Variants in CPD observed in about 807,000 individuals in gnomAD.
CPD encodes the protein metallocarboxypeptidase D.
A neutral mutation model predicts 138.3 loss-of-function variants in CPD; 69 were observed. That is an observed-to-expected ratio of 0.50 (90% CI 0.41 to 0.61). The LOEUF is 0.61. Among genes scored for constraint, CPD ranks in the 20% least tolerant of loss-of-function variants. The pLI is 0.00. For missense variants in CPD, 1,432 were observed against 1,733.3 expected (o/e 0.83, Z 3.09); for synonymous variants, 651 against 642.1 (o/e 1.01, Z -0.21).
At chr17:30,414,198 T>C (rs1321522561) in intron 2 of CPD, among the ~76,000 whole-genome samples, 1 of 152,218 alleles carries the variant, frequency 6.6e-6, no homozygotes, top group East Asian at 1.9e-4. Flanking sequence ...AACATCTGAC[T>C]TGCATTTTAA....
chr17:30,466,473 A>C lies in CPD; in HGVS notation c.*1659A>C, dbSNP rs1018834725. The C allele has an allele frequency of 1.2e-4, 19 of 152,632 alleles. No individual in the cohort carries two copies. Among genetic ancestry groups the C allele is most frequent in the Non-Finnish European group, 2.8e-4 (19 of 68,018 alleles). 9.5% of individuals were successfully genotyped at this position (152,632 alleles called of 1,614,324 possible). A position where few individuals can be genotyped will look rare whatever the true frequency, so the allele number is the denominator to read the frequency against. ...GTATCTGTGATAAATCCGTGGTTCA[A>C]GGTTAAGCCATTCTGGTATTCTGGT... On this transcript the variant is annotated 3_prime_UTR_variant, in exon 21 of 21. Coordinates refer to ENST00000225719, the MANE Select transcript of CPD (RefSeq NM_001304.5).
chr17:30,427,544 CA>C lies in CPD; in HGVS notation c.2006del (p.Asn669ThrfsTer35). On this transcript the variant is annotated frameshift_variant, in exon 7 of 21. Transcript: ENST00000225719. LOFTEE classifies it high-confidence loss of function. ...WMKSYPFVLSANLHGGSLVVN... is the reference protein window; with the variant it reads ...WMKSYPFVLSXNLHGGSLVVN... ...AAGTCCTATCCATTTGTACTTTCAG[CA>C]AACCTGCATGGAGGTATGGCAACTT... is the stretch of plus-strand genomic sequence containing the variant. 6.2e-7 allele frequency: 1 copy of C among 1,613,914 alleles called. No individual in the cohort carries two copies. Among genetic ancestry groups the C allele is most frequent in the Non-Finnish European group, 8.5e-7 (1 of 1,179,854 alleles).
chr17:30,429,326 C>T (rs1912503325), intron 7 of CPD, among the ~76,000 whole-genome samples: 1 of 152,170 alleles, frequency 6.6e-6, no homozygotes, highest in Non-Finnish European at 1.5e-5. Context: ...TAGTTACATT[C>T]CAGTGAAAAT....
intron 6 of CPD, among the ~76,000 whole-genome samples, chr17:30,425,764 T>C (rs575926463): frequency 6.6e-6 from 1 of 152,252 alleles, no homozygotes; most frequent in Admixed American, 6.5e-5. Context: ...AGTGCTTTAA[T>C]ATAATTTGTC....
chr17:30,462,111 A>G (rs2143513921), intron 19 of CPD, 49 bp downstream of exon 19: 1 of 1,476,996 alleles, frequency 6.8e-7, no homozygotes, highest in East Asian at 2.3e-5. Context: ...ATTCTTAATA[A>G]TACTTCTGTT....
chr17:30,422,360 G>A (rs1375696754), intron 4 of CPD, among the ~76,000 whole-genome samples: 1 of 152,170 alleles, frequency 6.6e-6, no homozygotes, highest in Non-Finnish European at 1.5e-5. Context: ...CCTTCTTTGA[G>A]TACTGTAGCA....
chr17:30,422,867 T>G lies in CPD; in HGVS notation c.1501T>G (p.Phe501Val). ...SSYQPIQPKD[F>V]HHHHFPDMEI... The stretch of plus-strand genomic sequence containing the variant: ...CTACCAGCCAATTCAGCCAAAGGAC[T>G]TTCACCACCACCATTTCCCTGATAT... Residue 501 changes from phenylalanine (F) to valine (V), a missense_variant, in exon 5 of 21, where the codon TTT (phenylalanine) becomes GTT (valine). By Grantham distance (50) the Phe-to-Val change is conservative. Coordinates refer to ENST00000225719, the MANE Select transcript of CPD (RefSeq NM_001304.5). The G allele has an allele frequency of 2.5e-6, 4 of 1,614,116 alleles. No individual in the cohort carries two copies. Among genetic ancestry groups the G allele is most frequent in the Non-Finnish European group, 3.4e-6 (4 of 1,179,962 alleles).
chr17:30,458,857 C>A (rs1191905907), intron 17 of CPD, among the ~76,000 whole-genome samples: 2 of 120,352 alleles, frequency 1.7e-5, no homozygotes, highest in Non-Finnish European at 3.4e-5. Context: ...CAGAGTGAGA[C>A]CCTGTCTCAA....
chr17:30,409,247 G>C lies in CPD; in HGVS notation c.995-11594G>C, dbSNP rs572840830. On this transcript the variant is annotated intron_variant, in intron 2 of 20. Transcript: ENST00000225719. ...GGATAAGCTTTTTGATGTGCTTCTG[G>C]ATTCGGTTTTCCATTATTTTATTAA... Among the ~76,000 whole-genome samples the C allele has an allele frequency of 2.6e-5, 4 of 152,274 alleles. No individual in the cohort carries two copies. In the East Asian group the frequency reaches 7.7e-4, roughly 29 times the overall value.
intron 8 of CPD, among the ~76,000 whole-genome samples, chr17:30,434,455 C>A (rs1438955737): frequency 6.6e-6 from 1 of 152,042 alleles, no homozygotes. Flanking sequence ...GAATGACCAC[C>A]ATACATCACA....
intron 1 of CPD, 29 bp from the exon 2 acceptor site, chr17:30,384,960 T>C: frequency 1.3e-6 from 2 of 1,595,802 alleles, no homozygotes; most frequent in Non-Finnish European, 1.7e-6. Flanking sequence ...CCTTTTTTAG[T>C]GATACGTGAT....
chr17:30,463,449 A>G (rs1289404910), intron 20 of CPD, among the ~76,000 whole-genome samples: 2 of 152,220 alleles, frequency 1.3e-5, no homozygotes, highest in Non-Finnish European at 2.9e-5. Flanking sequence ...GCTTTATATT[A>G]AAGTCATAAG....
intron 1 of CPD, chr17:30,380,746 G>C (rs1911019402): frequency 1.3e-6 from 1 of 777,082 alleles, no homozygotes; most frequent in African/African-American, 1.8e-5. Flanking sequence ...GGTAGAGCTT[G>C]AGCTATCTCC....
At chr17:30,444,667 G>A (rs1025399033) in intron 11 of CPD, among the ~76,000 whole-genome samples, 1 of 151,918 alleles carries the variant, frequency 6.6e-6, no homozygotes, top group Non-Finnish European at 1.5e-5. Flanking sequence ...GATATTACTG[G>A]TGTGTGCCAC....
intron 2 of CPD, among the ~76,000 whole-genome samples, chr17:30,411,290 A>AT (rs1416199803): frequency 6.6e-6 from 1 of 151,786 alleles, no homozygotes; most frequent in Non-Finnish European, 1.5e-5. Context: ...TGCCTTTAAC[A>AT]TTTTTTCCTT....
intron 6 of CPD, among the ~76,000 whole-genome samples, chr17:30,426,949 G>A (rs1011186253): frequency 3.3e-5 from 5 of 152,092 alleles, no homozygotes; most frequent in East Asian, 1.9e-4. Context: ...GGGAGGCTGA[G>A]GGGGGTGGGT....
At chr17:30,407,280 G>A (rs1378769337) in intron 2 of CPD, among the ~76,000 whole-genome samples, 4 of 152,132 alleles carry the variant, frequency 2.6e-5, no homozygotes, top group African/African-American at 9.7e-5. Flanking sequence ...AAACATACAT[G>A]TGCATGTGTC....
chr17:30,408,875 T>C (rs1034650146), intron 2 of CPD, among the ~76,000 whole-genome samples: 15 of 152,146 alleles, frequency 9.9e-5, no homozygotes, highest in African/African-American at 3.6e-4. Context: ...AGGGCATCCT[T>C]GTGTTGTGCC....
chr17:30,428,088 A>T (rs1041461119), intron 7 of CPD, among the ~76,000 whole-genome samples: 2 of 152,308 alleles, frequency 1.3e-5, no homozygotes, highest in South Asian at 4.1e-4. Context: ...AAACTCTTTT[A>T]TGTAAATTTA....
Sources: allele counts gnomAD v4.1 joint callset (sites outside exome capture counted in the v4.1 genomes callset), GRCh38; gene constraint gnomAD v4.1.1; transcripts MANE v1.5; gene names NCBI Gene and HGNC (gene_info 2026-07-23, HGNC 2026-07-21).